Variants in POU6F2 observed in about 807,000 individuals in gnomAD.
POU6F2 encodes the protein POU domain, class 6, transcription factor 2.
A neutral mutation model predicts 71.3 loss-of-function variants in POU6F2; 31 were observed. The observed-to-expected ratio is 0.43, with a 90% confidence interval of 0.33 to 0.59. The LOEUF (loss-of-function observed/expected upper bound fraction) is 0.59. Among genes scored for constraint, POU6F2 ranks in the 20% least tolerant of loss-of-function variants. The pLI is 0.04. For synonymous variants in POU6F2, 347 were observed against 355.7 expected (o/e 0.98, Z 0.27); for missense variants, 783 against 856.8 (o/e 0.91, Z 1.07).
At chr7:39,367,178 AACAGTAGTT>A (rs1786518255) in intron 5 of POU6F2, among the ~76,000 whole-genome samples, 1 of 152,166 alleles carries the variant, frequency 6.6e-6, no homozygotes, top group African/African-American at 2.4e-5. Flanking sequence ...CATTACCAGT[AACAGTAGTT>A]TGGGAATTAT....
chr7:39,143,898 A>G (rs939267690), intron 2 of POU6F2, among the ~76,000 whole-genome samples: 1 of 152,218 alleles, frequency 6.6e-6, no homozygotes, highest in Admixed American at 6.5e-5. Flanking sequence ...GAAATCTTCA[A>G]AAGATTTCAA....
intron 1 of POU6F2, among the ~76,000 whole-genome samples, chr7:39,036,216 A>G (rs527286662): frequency 4.6e-5 from 7 of 152,208 alleles, no homozygotes; most frequent in Non-Finnish European, 7.4e-5. Context: ...GTCTTCTTTT[A>G]ATCATCTCTA....
At chr7:39,401,637 A>T (rs1351968063) in intron 5 of POU6F2, among the ~76,000 whole-genome samples, 1 of 152,228 alleles carries the variant, frequency 6.6e-6, no homozygotes, top group African/African-American at 2.4e-5. Flanking sequence ...GTCCTAATGT[A>T]TGTAAATGAA....
At chr7:39,076,735 C>G (rs1791010728) in intron 1 of POU6F2, among the ~76,000 whole-genome samples, 1 of 152,078 alleles carries the variant, frequency 6.6e-6, no homozygotes, top group African/African-American at 2.4e-5. Context: ...CCCCTATCTC[C>G]CTTTGAGGTC....
At chr7:39,376,494 A>C (rs1301148262) in intron 5 of POU6F2, among the ~76,000 whole-genome samples, 1 of 152,086 alleles carries the variant, frequency 6.6e-6, no homozygotes, top group Non-Finnish European at 1.5e-5. Context: ...TCCATCACCA[A>C]CTCAGTGCTG....
chr7:39,433,099 T>C lies in POU6F2; in HGVS notation c.1136T>C (p.Met379Thr). 1 of 1,613,238 alleles carries C rather than the reference T, an allele frequency of 6.2e-7. No homozygotes were observed. The highest frequency in any genetic ancestry group is 1.1e-5 in the South Asian group (1 of 91,038). Residue 379 changes from methionine (M) to threonine (T), a missense_variant, in exon 7 of 10, where the codon ATG becomes ACG. Met to Thr is a moderately conservative substitution (Grantham distance 81, BLOSUM62 -1). Around this residue, in one of 2 missense-constraint regions of POU6F2, gnomAD observed 572 missense variants for 572.9 expected, o/e 1.00. Transcript: ENST00000518318. ...CAGATTATCGGGACCATTCCACTGATGCCTAATCCAGGGCCATCGAGCCAA... is the reference window on the plus strand; with the variant it reads ...CAGATTATCGGGACCATTCCACTGACGCCTAATCCAGGGCCATCGAGCCAA... ...QGQIIGTIPL[M>T]PNPGPSSQAA...
intron 2 of POU6F2, among the ~76,000 whole-genome samples, chr7:39,140,783 G>A (rs1792481562): frequency 1.3e-5 from 2 of 152,182 alleles, no homozygotes. Context: ...CTGCCATGGA[G>A]AGGGAGATGG....
intron 1 of POU6F2, among the ~76,000 whole-genome samples, chr7:39,051,816 T>A (rs1243991687): frequency 1.3e-5 from 2 of 152,160 alleles, no homozygotes; most frequent in African/African-American, 4.8e-5. Flanking sequence ...TCTAGATCCT[T>A]ATTCAAACAT....
intron 4 of POU6F2, among the ~76,000 whole-genome samples, chr7:39,308,090 T>C (rs371974946): frequency 1.3e-5 from 2 of 152,176 alleles, no homozygotes; most frequent in Admixed American, 1.3e-4. Context: ...CCTATGGCAG[T>C]GCATATCCAT....
At chr7:39,186,566 C>T (rs538564647) in intron 2 of POU6F2, among the ~76,000 whole-genome samples, 8 of 152,156 alleles carry the variant, frequency 5.3e-5, no homozygotes, top group African/African-American at 1.4e-4. Flanking sequence ...CAGCACCAAC[C>T]GAGCCATTTT....
At chr7:39,334,324 A>T (rs982246480) in intron 4 of POU6F2, among the ~76,000 whole-genome samples, 2 of 152,136 alleles carry the variant, frequency 1.3e-5, no homozygotes, top group African/African-American at 4.8e-5. Flanking sequence ...TAAAAATAGA[A>T]ATAGTAGACA....
intron 1 of POU6F2, among the ~76,000 whole-genome samples, chr7:39,041,851 A>G (rs1355036977): frequency 6.6e-6 from 1 of 151,966 alleles, no homozygotes; most frequent in Non-Finnish European, 1.5e-5. Context: ...GGAGGCTTCC[A>G]TTCCCACCCA....
chr7:38,996,035 CTTTTTTT>C (rs5883669), intron 1 of POU6F2, among the ~76,000 whole-genome samples: 21 of 85,366 alleles, frequency 2.5e-4, no homozygotes, highest in South Asian at 1.0e-3. Context: ...AGGGGCTTGG[CTTTTTTT>C]TTTTTTTTTT....
intron 5 of POU6F2, among the ~76,000 whole-genome samples, chr7:39,377,119 A>G (rs1422293068): frequency 6.7e-6 from 1 of 148,652 alleles, no homozygotes; most frequent in Non-Finnish European, 1.5e-5. Context: ...TAAATATTAA[A>G]TATATTTATA....
At chr7:39,387,085 G>A (rs1035540939) in intron 5 of POU6F2, among the ~76,000 whole-genome samples, 17 of 152,310 alleles carry the variant, frequency 1.1e-4, no homozygotes, top group East Asian at 5.8e-4. Flanking sequence ...GCAGCACCCC[G>A]TGCTGGGGGA....
At chr7:39,361,150 A>G (rs1433178448) in intron 5 of POU6F2, among the ~76,000 whole-genome samples, 8 of 152,220 alleles carry the variant, frequency 5.3e-5, no homozygotes, top group Non-Finnish European at 1.0e-4. Flanking sequence ...CCCTGTATTC[A>G]ACTGTGCTCA....
Position 39,460,720 on chromosome 7 carries a change from C to A in POU6F2, c.1658+5C>A, listed in dbSNP as rs766231094. On this transcript the variant is annotated splice_donor_5th_base_variant and intron_variant, in intron 9 of 9. Transcript: ENST00000518318. This position sits in a 1 kb window ranked among gnomAD's most constrained non-coding sequence, Gnocchi z 4.4. ...CAGCCAGTCGGCCATCTGCAGGTAA[C>A]GCGCGCCTGCATGCTGTCACCTCTT... 4 of 1,584,276 alleles carry A rather than the reference C, an allele frequency of 2.5e-6. No individual in the cohort carries two copies. The Admixed American group carries it at 5.3e-5, about 21-fold the overall frequency.
At chr7:39,340,961 T>C (rs1466494735) in intron 5 of POU6F2, among the ~76,000 whole-genome samples, 1 of 152,208 alleles carries the variant, frequency 6.6e-6, no homozygotes, top group Non-Finnish European at 1.5e-5. Context: ...GTATTTGTAG[T>C]ACTGTGACAA....
chr7:39,406,907 T>C (rs770772322), intron 6 of POU6F2, among the ~76,000 whole-genome samples, 167 bp downstream of exon 6: 4 of 152,202 alleles, frequency 2.6e-5, no homozygotes, highest in Non-Finnish European at 5.9e-5. Flanking sequence ...GGTGTTTCTA[T>C]GTTTTAGAAG....
Sources: allele counts gnomAD v4.1 joint callset (sites outside exome capture counted in the v4.1 genomes callset), GRCh38; gene constraint gnomAD v4.1.1; regional missense constraint gnomAD v4.1.1; non-coding constraint Gnocchi (gnomAD v3.1); transcripts MANE v1.5; gene names NCBI Gene and HGNC (gene_info 2026-07-23, HGNC 2026-07-21).